NTRK3: variants seen among roughly 807,000 people sequenced by gnomAD.
NTRK3 encodes NT-3 growth factor receptor.
NTRK3 carries 24 observed loss-of-function variants against 91.7 expected under a neutral mutation model. The ratio of observed to expected loss-of-function variants is 0.26; its 90% CI spans 0.19 to 0.37. NTRK3 has a LOEUF of 0.37. Ranked by LOEUF, NTRK3 falls within the 10% of genes least tolerant of loss-of-function variation. NTRK3 has a pLI of 1.00. For missense variants in NTRK3, 880 were observed against 1,068.9 expected (o/e 0.82, Z 2.46); for synonymous variants, 483 against 404.0 (o/e 1.20, Z -2.34).
chr15:87,898,823 T>TAAAAA (rs34425235), intron 17 of NTRK3, among the ~76,000 whole-genome samples: 6 of 103,956 alleles, frequency 5.8e-5, no homozygotes, highest in African/African-American at 1.2e-4. Flanking sequence ...CTGTCTCTAC[T>TAAAAA]AAAAAAAAAA....
chr15:88,184,280 T>G (rs756950618), exon 4 of NTRK3: 1 of 1,614,118 alleles, frequency 6.2e-7, no homozygotes, highest in Admixed American at 1.7e-5. Flanking sequence ...GTGTGAAGAC[T>G]GCGCCAGTTC....
exon 19 of NTRK3, chr15:87,876,773 CTT>C: frequency 1.6e-6 from 1 of 624,262 alleles, no homozygotes; most frequent in Non-Finnish European, 2.6e-6. Context: ...TTTTTTCTTT[CTT>C]TTTTTTTCCT....
intron 5 of NTRK3, among the ~76,000 whole-genome samples, chr15:88,167,791 C>T (rs963078483): frequency 3.3e-5 from 5 of 152,046 alleles, no homozygotes; most frequent in Non-Finnish European, 5.9e-5. Flanking sequence ...CTAATACGTA[C>T]CTGCAGGCTC....
At chr15:88,168,451 G>A (rs923132435) in intron 5 of NTRK3, among the ~76,000 whole-genome samples, 3 of 152,198 alleles carry the variant, frequency 2.0e-5, no homozygotes, top group Non-Finnish European at 4.4e-5. Flanking sequence ...ATTCTAAGTG[G>A]AGTTTGACTG....
intron 14 of NTRK3, among the ~76,000 whole-genome samples, chr15:87,952,618 C>T (rs969795520): frequency 2.6e-5 from 4 of 152,242 alleles, no homozygotes; most frequent in Non-Finnish European, 4.4e-5. Context: ...CCGGCTCACC[C>T]TGTGCGCACT....
chr15:87,891,856 T>G (rs776946194), intron 17 of NTRK3, among the ~76,000 whole-genome samples: 23 of 152,082 alleles, frequency 1.5e-4, no homozygotes, highest in Non-Finnish European at 1.5e-5. Flanking sequence ...TCCCATGGGA[T>G]GAGGTCTAGA....
chr15:88,152,089 T>C (rs1481926259), intron 5 of NTRK3, among the ~76,000 whole-genome samples: 1 of 152,168 alleles, frequency 6.6e-6, no homozygotes, highest in East Asian at 1.9e-4. Flanking sequence ...TCACCTGATG[T>C]CAGCAGTTTG....
intron 14 of NTRK3, among the ~76,000 whole-genome samples, chr15:88,002,290 T>C (rs1267218124): frequency 6.9e-6 from 1 of 145,100 alleles, no homozygotes; most frequent in Admixed American, 7.2e-5. Flanking sequence ...TGTACCATCA[T>C]AAAATCTCAA....
chr15:88,182,647 T>C (rs553290731), intron 5 of NTRK3, among the ~76,000 whole-genome samples: 14 of 152,248 alleles, frequency 9.2e-5, no homozygotes, highest in African/African-American at 3.1e-4. Context: ...AGACAACAAA[T>C]ACCCCTCTAC....
chr15:88,099,920 A>G (rs568889925), intron 13 of NTRK3, among the ~76,000 whole-genome samples: 149 of 152,258 alleles, frequency 9.8e-4, no homozygotes, highest in African/African-American at 3.4e-3. Flanking sequence ...GGGGAGGGGG[A>G]CATGGAGTTG....
chr15:88,234,726 C>T lies in NTRK3; in HGVS notation c.248+21180G>A, dbSNP rs183280609. The stretch of plus-strand genomic sequence containing the variant: ...TACACCCATCACTTCAGCTGTAAGT[C>T]GAATCATCTCTTGTTTAAAAGGAAA... On this transcript the variant is annotated intron_variant, in intron 3 of 18. Transcript: ENST00000394480. This position sits in a 1 kb window ranked among gnomAD's most constrained non-coding sequence, Gnocchi z 6.1. 1.1e-3 allele frequency among the ~76,000 whole-genome samples: 162 copies of T among 152,314 alleles called. No individual in the cohort carries two copies. The highest frequency in any genetic ancestry group is 1.8e-3 in the Non-Finnish European group (125 of 68,034).
exon 19 of NTRK3, chr15:87,876,844 T>G: frequency 7.0e-7 from 1 of 1,426,478 alleles, no homozygotes; most frequent in Admixed American, 1.7e-5. Flanking sequence ...TTCGCTTCAG[T>G]CAAGGATGGA....
At chr15:88,041,146 G>A (rs964331650) in intron 13 of NTRK3, among the ~76,000 whole-genome samples, 7 of 152,164 alleles carry the variant, frequency 4.6e-5, no homozygotes, top group African/African-American at 1.7e-4. Context: ...CTGTGATTGG[G>A]GCTAAATCAG....
intron 13 of NTRK3, among the ~76,000 whole-genome samples, chr15:88,057,804 T>C (rs2045858824): frequency 6.6e-6 from 1 of 152,224 alleles, no homozygotes; most frequent in South Asian, 2.1e-4. Flanking sequence ...TCCTAGTCCT[T>C]TGTCAAGCCC....
intron 3 of NTRK3, among the ~76,000 whole-genome samples, chr15:88,197,094 CAAAAAAAAAAAAAAAA>C (rs59553739): frequency 8.3e-4 from 47 of 56,588 alleles, no homozygotes; most frequent in Middle Eastern, 0.025. Context: ...TTGAGCAGGA[CAAAAAAAAAAAAAAAA>C]AAAAAAAAAA....
chr15:88,173,194 C>T (rs1454077464), intron 5 of NTRK3, among the ~76,000 whole-genome samples: 3 of 152,158 alleles, frequency 2.0e-5, no homozygotes, highest in African/African-American at 2.4e-5. Flanking sequence ...GACCCAGGCA[C>T]ACCTACAGAA....
intron 13 of NTRK3, among the ~76,000 whole-genome samples, chr15:88,119,343 A>G (rs2052449540): frequency 1.3e-5 from 2 of 152,174 alleles, no homozygotes; most frequent in Non-Finnish European, 2.9e-5. Context: ...AGAGAAGGAG[A>G]CGCAGAAGAC....
intron 6 of NTRK3, among the ~76,000 whole-genome samples, chr15:88,142,376 C>T (rs375685396): frequency 1.2e-4 from 18 of 152,392 alleles, no homozygotes; most frequent in African/African-American, 4.1e-4. Flanking sequence ...TGGCCTGGGG[C>T]CTAATCGCAG....
intron 3 of NTRK3, among the ~76,000 whole-genome samples, chr15:88,219,805 C>T (rs1303872551): frequency 1.3e-5 from 2 of 152,244 alleles, no homozygotes; most frequent in African/African-American, 2.4e-5. Flanking sequence ...TGCATTACAT[C>T]ATCTCTCAGC....
Sources: allele counts gnomAD v4.1 joint callset (sites outside exome capture counted in the v4.1 genomes callset), GRCh38; gene constraint gnomAD v4.1.1; non-coding constraint Gnocchi (gnomAD v3.1); transcripts MANE v1.5; gene names NCBI Gene and HGNC (gene_info 2026-07-23, HGNC 2026-07-21).